The following ATP6V0A1 variants were observed in gnomAD, a reference collection of about 807,000 sequenced individuals.
ATP6V0A1 encodes ATPase H+ transporting V0 subunit a1, also known as V-type proton ATPase 116 kDa subunit a 1.
ATP6V0A1 carries 43 observed loss-of-function variants against 105.4 expected under a neutral mutation model. The observed-to-expected ratio is 0.41, with a 90% CI of 0.32 to 0.53. The LOEUF (loss-of-function observed/expected upper bound fraction) is 0.53. ATP6V0A1 is among the 20% of genes least tolerant of loss of function. The pLI is 0.30. For missense variants in ATP6V0A1, 676 were observed against 1,051.1 expected (o/e 0.64, Z 4.93); for synonymous variants, 362 against 372.8 (o/e 0.97, Z 0.33).
At chr17:42,503,719 A>G (rs1413381550) in intron 17 of ATP6V0A1, among the ~76,000 whole-genome samples, 5 of 152,220 alleles carry the variant, frequency 3.3e-5, no homozygotes, top group Non-Finnish European at 7.3e-5. Flanking sequence ...TAGATGGATA[A>G]CCATTTCCTT....
chr17:42,477,789 C>T, intron 6 of ATP6V0A1, 47 bp downstream of exon 6: 1 of 1,480,618 alleles, frequency 6.8e-7, no homozygotes, highest in Non-Finnish European at 9.4e-7. Context: ...CCATGTTCAT[C>T]TCTTCTGTTC....
At chr17:42,488,650 A>T (rs2090335435) in intron 10 of ATP6V0A1, among the ~76,000 whole-genome samples, 1 of 151,954 alleles carries the variant, frequency 6.6e-6, no homozygotes, top group African/African-American at 2.4e-5. Flanking sequence ...TTTTGTAGAG[A>T]CAGGGTTTTG....
chr17:42,501,255 T>C lies in ATP6V0A1; in HGVS notation c.1955T>C (p.Leu652Pro). 6.2e-7 allele frequency: 1 copy of C among 1,614,172 alleles called. No individual in the cohort carries two copies. Among genetic ancestry groups the C allele is most frequent in the South Asian group, 1.1e-5 (1 of 91,082 alleles). Residue 652 changes from leucine to proline, a missense_variant, in exon 17 of 22, where the codon CTG becomes CCG. Leu to Pro is a moderately conservative substitution (Grantham distance 98). This residue lies in a region of ATP6V0A1 where 435 missense variants were observed against 642.2 expected (regional missense o/e 0.68). Transcript: ENST00000343619. The part of the protein sequence containing the change: ...VALLCVPWML[L>P]FKPLVLRRQY... ...CTACTGTGTGTACCTTGGATGCTGC[T>C]GTTTAAACCATTGGTCCTTCGCCGT...
chr17:42,476,356 TTTA>T (rs1315587986), intron 5 of ATP6V0A1, among the ~76,000 whole-genome samples: 1 of 152,184 alleles, frequency 6.6e-6, no homozygotes, highest in African/African-American at 2.4e-5. Flanking sequence ...ATCCCATGAC[TTTA>T]TCAAGTTATG....
chr17:42,478,487 G>A lies in ATP6V0A1; in HGVS notation c.531G>A (p.Arg177=). The A allele has an allele frequency of 6.2e-7, 1 of 1,608,952 alleles. No homozygotes were observed. The highest frequency in any genetic ancestry group is 1.7e-5 in the Admixed American group (1 of 59,698). The change falls in exon 7 of 22, where the codon CGG becomes CGA. Residue 177 remains arginine (R), a synonymous_variant. Coordinates refer to ENST00000343619, the MANE Select transcript of ATP6V0A1 (RefSeq NM_001130021.3). ...RLGFVAGVIN[R]ERIPTFERML... is the part of the protein sequence containing the mutation. ...GCTTCGTGGCTGGTGTCATTAACCG[G>A]GAGCGCATCCCTACTTTTGAGCGCA... is the stretch of plus-strand genomic sequence containing the variant.
At chr17:42,520,846 G>C (rs1446938796) in intron 21 of ATP6V0A1, 181 bp from the exon 22 acceptor site, 2 of 625,596 alleles carry the variant, frequency 3.2e-6, no homozygotes, top group South Asian at 3.7e-5. Context: ...TCCGTGCGTC[G>C]AACTCTTGAT....
intron 2 of ATP6V0A1, among the ~76,000 whole-genome samples, chr17:42,464,089 C>T (rs2086752904): frequency 6.6e-6 from 1 of 152,164 alleles, no homozygotes; most frequent in Non-Finnish European, 1.5e-5. Flanking sequence ...TTCAAACCCA[C>T]ATTGTTCAAA....
chr17:42,459,935 T>C (rs2086214371), intron 1 of ATP6V0A1, among the ~76,000 whole-genome samples: 1 of 152,226 alleles, frequency 6.6e-6, no homozygotes, highest in African/African-American at 2.4e-5. Flanking sequence ...TGCATTTTTC[T>C]GAGTTTGGAT....
At chr17:42,478,643 G>A in intron 7 of ATP6V0A1, 54 bp downstream of exon 7, 2 of 1,493,508 alleles carry the variant, frequency 1.3e-6, no homozygotes, top group Non-Finnish European at 1.8e-6. Flanking sequence ...GGAGCCCAGA[G>A]CAGTAACGTA....
At chr17:42,504,272 A>AT (rs2091878704) in intron 17 of ATP6V0A1, among the ~76,000 whole-genome samples, 1 of 152,134 alleles carries the variant, frequency 6.6e-6, no homozygotes, top group Non-Finnish European at 1.5e-5. Context: ...GTGATATATC[A>AT]CAGTTTAATT....
intron 5 of ATP6V0A1, 172 bp downstream of exon 5, chr17:42,470,390 A>G (rs1444911619): frequency 2.7e-6 from 2 of 734,994 alleles, no homozygotes; most frequent in Non-Finnish European, 4.3e-6. Flanking sequence ...CATGCAGTAC[A>G]CAACCAGCCA....
At chr17:42,497,285 G>A (rs1555611636) in intron 14 of ATP6V0A1, among the ~76,000 whole-genome samples, 1 of 140,496 alleles carries the variant, frequency 7.1e-6, no homozygotes, top group Non-Finnish European at 1.5e-5. Flanking sequence ...GGGTGACAGA[G>A]TGAAGACCCT....
chr17:42,483,726 C>G (rs927916968), intron 9 of ATP6V0A1, among the ~76,000 whole-genome samples: 1 of 152,152 alleles, frequency 6.6e-6, no homozygotes, highest in Non-Finnish European at 1.5e-5. Context: ...GGATGACAAG[C>G]ATGTGCCACT....
At chr17:42,508,696 C>T (rs2092176280) in intron 19 of ATP6V0A1, 107 bp downstream of exon 19, 3 of 1,470,662 alleles carry the variant, frequency 2.0e-6, no homozygotes, top group African/African-American at 1.4e-5. Context: ...ACACATGACT[C>T]CTGTGCCTCT....
rs776301237 is a variant in ATP6V0A1, at chr17:42,521,919, C to G, written c.*799C>G. Reference sequence around the variant, plus strand: ...CCTGCCCACAAGCACACCCTCAGGCCGAGGGTGCAGACTGATGCTCTTCCC... The same window carrying G: ...CCTGCCCACAAGCACACCCTCAGGCGGAGGGTGCAGACTGATGCTCTTCCC... On this transcript the variant is annotated 3_prime_UTR_variant, in exon 22 of 22. Transcript: ENST00000343619. The surrounding 1 kb of genome is among the most constrained non-coding windows in gnomAD (Gnocchi z 4.8). 2.0e-5 allele frequency: 3 copies of G among 152,640 alleles called. No individual in the cohort carries two copies. Among genetic ancestry groups the G allele is most frequent in the Non-Finnish European group, 4.4e-5 (3 of 68,318 alleles). The allele number at this position is 152,640 out of a possible 1,614,324, so 9.5% of individuals were successfully genotyped here. A position where few individuals can be genotyped will look rare whatever the true frequency, so the allele number is the denominator to read the frequency against.
chr17:42,507,242 C>T, intron 17 of ATP6V0A1: 1 of 320,712 alleles, frequency 3.1e-6, no homozygotes, highest in Non-Finnish European at 5.9e-6. Context: ...TAGTGTTGAC[C>T]CAGGTGAGGC....
chr17:42,500,627 A>T, intron 15 of ATP6V0A1, 80 bp from the exon 16 acceptor site: 1 of 1,181,126 alleles, frequency 8.5e-7, no homozygotes, highest in Non-Finnish European at 1.2e-6. Context: ...TAAGTAGAAA[A>T]ATCTAGTGAA....
At chr17:42,514,115 T>A in intron 20 of ATP6V0A1, 137 bp downstream of exon 20, 3 of 1,263,658 alleles carry the variant, frequency 2.4e-6, no homozygotes, top group Non-Finnish European at 3.4e-6. Flanking sequence ...GGAGAATGAG[T>A]ACAGACAGGA....
intron 3 of ATP6V0A1, among the ~76,000 whole-genome samples, chr17:42,467,320 A>G (rs535700818): frequency 8.3e-4 from 126 of 152,314 alleles, no homozygotes; most frequent in African/African-American, 2.9e-3. Flanking sequence ...CCTAGATCAT[A>G]AACAGTTATG....
Sources: gnomAD v4.1 joint callset for allele counts (sites outside exome capture counted in the v4.1 genomes callset) on GRCh38, gnomAD v4.1.1 for gene constraint, gnomAD v4.1.1 regional missense constraint, Gnocchi (gnomAD v3.1) non-coding constraint, MANE v1.5 for transcripts, NCBI Gene and HGNC (gene_info 2026-07-23, HGNC 2026-07-21) for gene names.